The following PRKAR2A variants were observed in gnomAD, a reference collection of about 807,000 sequenced individuals.
PRKAR2A encodes cAMP-dependent protein kinase type II-alpha regulatory subunit.
PRKAR2A carries 29 observed loss-of-function variants against 51.9 expected under a neutral mutation model. The observed-to-expected ratio is 0.56, with a 90% CI of 0.42 to 0.76. PRKAR2A has a LOEUF of 0.76. Ranked by LOEUF, PRKAR2A falls within the 30% of genes least tolerant of loss-of-function variation. The probability of loss-of-function intolerance (pLI) is 0.00; values close to 1 mark genes in which losing one functional copy is unlikely to be tolerated. For synonymous variants in PRKAR2A, 178 were observed against 186.2 expected (o/e 0.96, Z 0.36); for missense variants, 445 against 512.1 (o/e 0.87, Z 1.26).
At chr3:48,754,833 T>C (rs897992229) in intron 9 of PRKAR2A, among the ~76,000 whole-genome samples, 6 of 150,684 alleles carry the variant, frequency 4.0e-5, no homozygotes, top group African/African-American at 9.8e-5. Flanking sequence ...CGAGAATCGA[T>C]TGAAACTAGG....
chr3:48,833,434 G>A (rs116072184), intron 1 of PRKAR2A, among the ~76,000 whole-genome samples: 62 of 152,246 alleles, frequency 4.1e-4, no homozygotes, highest in African/African-American at 1.4e-3. Flanking sequence ...CTTGCCAGGC[G>A]CAGAGGCTCA....
At position 48,748,605 on chromosome 3, in the gene PRKAR2A, C is replaced by T. The variant is rs1312501924; in HGVS notation, c.*2980G>A. On this transcript the variant is annotated 3_prime_UTR_variant, in exon 11 of 11. Coordinates refer to ENST00000265563, the MANE Select transcript of PRKAR2A (RefSeq NM_004157.4). ...GCAGGAGTGACTCTGGCATAGAATT[C>T]ATGGCCAGCCCTAACTAGTGTGATG... 6.6e-6 allele frequency: 1 copy of T among 152,224 alleles called. No homozygotes were observed. Among genetic ancestry groups the T allele is most frequent in the Non-Finnish European group, 1.5e-5 (1 of 68,086 alleles). 9.4% of individuals were successfully genotyped at this position (152,224 alleles called of 1,614,324 possible).
chr3:48,800,511 C>CAA (rs879413217), intron 2 of PRKAR2A, among the ~76,000 whole-genome samples: 10 of 121,862 alleles, frequency 8.2e-5, no homozygotes, highest in Admixed American at 8.4e-5. Flanking sequence ...GACTCCGTCT[C>CAA]AAAAAAAAAA....
intron 4 of PRKAR2A, among the ~76,000 whole-genome samples, chr3:48,785,159 T>G (rs1161753633): frequency 2.0e-5 from 3 of 151,782 alleles, no homozygotes; most frequent in African/African-American, 7.3e-5. Context: ...GGCGCGATCT[T>G]GGTCCACTGC....
intron 1 of PRKAR2A, among the ~76,000 whole-genome samples, chr3:48,817,635 GAA>G (rs1559639134): frequency 3.3e-5 from 5 of 149,430 alleles, no homozygotes; most frequent in African/African-American, 1.2e-4. Context: ...CAACAGGAAC[GAA>G]ACTCCATCTT....
Position 48,779,421 on chromosome 3 carries a change from T to C in PRKAR2A, c.542+3565A>G, listed in dbSNP as rs565485256. 2.6e-5 allele frequency among the ~76,000 whole-genome samples: 4 copies of C among 152,120 alleles called. No individual in the cohort carries two copies. In the East Asian group the frequency reaches 7.7e-4, roughly 29 times the overall value. Reference sequence around the variant, plus strand: ...GTGCCCAATGGGACCTCTGTCTTGGTAGGGGAGTACACAGCAGGGCAAAGG... The same window carrying C: ...GTGCCCAATGGGACCTCTGTCTTGGCAGGGGAGTACACAGCAGGGCAAAGG... On this transcript the variant is annotated intron_variant, in intron 5 of 10. Transcript: ENST00000265563.
chr3:48,769,165 T>TTTTTTG (rs1304785907), intron 6 of PRKAR2A, among the ~76,000 whole-genome samples: 1 of 149,218 alleles, frequency 6.7e-6, no homozygotes, highest in East Asian at 2.0e-4. Context: ...TTCTTTTTTT[T>TTTTTTG]TTTCTTTTTT....
At chr3:48,785,852 T>C (rs1041715241) in intron 4 of PRKAR2A, among the ~76,000 whole-genome samples, 6 of 152,122 alleles carry the variant, frequency 3.9e-5, no homozygotes, top group African/African-American at 1.4e-4. Flanking sequence ...AAAAAGCAAA[T>C]GTGGTATAAT....
intron 5 of PRKAR2A, among the ~76,000 whole-genome samples, chr3:48,780,624 A>T (rs1339500248): frequency 2.0e-5 from 3 of 151,516 alleles, no homozygotes; most frequent in African/African-American, 4.8e-5. Context: ...AAAAAAAAAA[A>T]ATTTCCTCTG....
rs1301907683 is a variant in PRKAR2A, at chr3:48,847,308, C to A, written c.262+27G>T. ...AGACCTCTGGAGACCTCCTGCACCACTCCCCAGGGCCCCGCCCACAGCCTA... is the reference window on the plus strand; with the variant it reads ...AGACCTCTGGAGACCTCCTGCACCAATCCCCAGGGCCCCGCCCACAGCCTA... On this transcript the variant is annotated intron_variant, in intron 1 of 10. Coordinates refer to ENST00000265563, the MANE Select transcript of PRKAR2A (RefSeq NM_004157.4). The surrounding 1 kb of genome is among the most constrained non-coding windows in gnomAD (Gnocchi z 4.4). 1 of 1,611,574 alleles carries A rather than the reference C, an allele frequency of 6.2e-7. No individual in the cohort carries two copies. The highest frequency in any genetic ancestry group is 1.1e-5 in the South Asian group (1 of 90,764).
intron 5 of PRKAR2A, among the ~76,000 whole-genome samples, chr3:48,776,788 C>A (rs2082112800): frequency 6.6e-6 from 1 of 152,074 alleles, no homozygotes. Context: ...TTGCAGTGAG[C>A]CAAGATCGCA....
chr3:48,825,856 C>A (rs2083054935), intron 1 of PRKAR2A, among the ~76,000 whole-genome samples: 1 of 152,098 alleles, frequency 6.6e-6, no homozygotes, highest in Non-Finnish European at 1.5e-5. Context: ...GATGCTAACA[C>A]TAGGTGGTTA....
chr3:48,847,733 G>C lies in PRKAR2A; in HGVS notation c.-137C>G. On this transcript the variant is annotated 5_prime_UTR_variant, in exon 1 of 11. Coordinates refer to ENST00000265563, the MANE Select transcript of PRKAR2A (RefSeq NM_004157.4). This position sits in a 1 kb window ranked among gnomAD's most constrained non-coding sequence, Gnocchi z 4.4. ...CCGGCTCACGTCGCGCCGCTCTTTGGCCGGCTCTGCGTTTCCGGGCCGCGC... is the reference window on the plus strand; with the variant it reads ...CCGGCTCACGTCGCGCCGCTCTTTGCCCGGCTCTGCGTTTCCGGGCCGCGC... 5.5e-6 allele frequency: 5 copies of C among 916,994 alleles called. No individual in the cohort carries two copies. Among genetic ancestry groups the C allele is most frequent in the Non-Finnish European group, 7.4e-6 (5 of 671,200 alleles). The allele number at this position is 916,994 out of a possible 1,614,324, so 56.8% of individuals were successfully genotyped here. A position where few individuals can be genotyped will look rare whatever the true frequency, so the allele number is the denominator to read the frequency against.
chr3:48,777,046 T>C (rs369520541), intron 5 of PRKAR2A, among the ~76,000 whole-genome samples: 3 of 152,332 alleles, frequency 2.0e-5, no homozygotes, highest in Admixed American at 1.3e-4. Flanking sequence ...TAAGAAAGCC[T>C]GAGTGCTCCC....
intron 3 of PRKAR2A, among the ~76,000 whole-genome samples, chr3:48,792,227 C>T (rs2082401121): frequency 6.6e-6 from 1 of 151,010 alleles, no homozygotes; most frequent in African/African-American, 2.4e-5. Context: ...CTGCAACCTC[C>T]ACCTCCCAGG....
At chr3:48,789,188 A>G (rs2082342361) in intron 4 of PRKAR2A, among the ~76,000 whole-genome samples, 1 of 152,182 alleles carries the variant, frequency 6.6e-6, no homozygotes, top group African/African-American at 2.4e-5. Flanking sequence ...AATTATCAGT[A>G]TTGTCTTGGA....
intron 1 of PRKAR2A, among the ~76,000 whole-genome samples, chr3:48,831,762 G>A (rs2083191836): frequency 6.6e-6 from 1 of 151,972 alleles, no homozygotes; most frequent in African/African-American, 2.4e-5. Context: ...GATTACAGGT[G>A]TGCACCACCA....
chr3:48,815,777 T>C (rs2082864778), intron 1 of PRKAR2A, among the ~76,000 whole-genome samples: 1 of 151,304 alleles, frequency 6.6e-6, no homozygotes, highest in African/African-American at 2.4e-5. Flanking sequence ...TCCCAGCACT[T>C]TGGGAGGCCA....
chr3:48,843,681 G>A lies in PRKAR2A; in HGVS notation c.262+3654C>T, dbSNP rs866453144. Among the ~76,000 whole-genome samples, 11 of 151,904 alleles carry A rather than the reference G, an allele frequency of 7.2e-5. No individual in the cohort carries two copies. The East Asian group carries it at 9.7e-4, about 13-fold the overall frequency. On this transcript the variant is annotated intron_variant, in intron 1 of 10. Coordinates refer to ENST00000265563, the MANE Select transcript of PRKAR2A (RefSeq NM_004157.4). ...GAACAGAGCCCTCAGAAATAACTCCGCATATCTACAACTATCTGATCTTTG... is the reference window on the plus strand; with the variant it reads ...GAACAGAGCCCTCAGAAATAACTCCACATATCTACAACTATCTGATCTTTG...
Sources: allele counts gnomAD v4.1 joint callset (sites outside exome capture counted in the v4.1 genomes callset), GRCh38; gene constraint gnomAD v4.1.1; non-coding constraint Gnocchi (gnomAD v3.1); transcripts MANE v1.5; gene names NCBI Gene and HGNC (gene_info 2026-07-23, HGNC 2026-07-21).